The following MYRF variants were observed in gnomAD, a reference collection of about 807,000 sequenced individuals.
MYRF encodes myelin regulatory factor.
MYRF carries 16 observed loss-of-function variants against 126.3 expected under a neutral mutation model. The observed-to-expected ratio is 0.13, with a 90% CI of 0.09 to 0.19. The LOEUF (loss-of-function observed/expected upper bound fraction) is 0.19, where lower values mean the gene tolerates loss of function less well. Among genes scored for constraint, MYRF ranks in the 10% least tolerant of loss-of-function variants. The pLI is 1.00. For synonymous variants in MYRF, 608 were observed against 635.3 expected (o/e 0.96, Z 0.65); for missense variants, 1,104 against 1,547.0 (o/e 0.71, Z 4.80).
Position 61,780,760 on chromosome 11 carries a change from G to GC in MYRF, c.2459dup (p.Gly821TrpfsTer4). The GC allele has an allele frequency of 6.5e-7, 1 of 1,547,718 alleles. No individual in the cohort carries two copies. On this transcript the variant is annotated frameshift_variant, in exon 19 of 27. Transcript: ENST00000278836. LOFTEE classifies it high-confidence loss of function. ...GTCTCCTGGCCCTGCTCCGGCCCCAGCCCCCTGGGGGGAGTGAGGCCTTGT... is the reference window on the plus strand; with the variant it reads ...GTCTCCTGGCCCTGCTCCGGCCCCAGCCCCCCTGGGGGGAGTGAGGCCTTGT...
chr11:61,776,456 C>T lies in MYRF; in HGVS notation c.1499+24C>T, dbSNP rs750263651. 1.6e-5 allele frequency: 25 copies of T among 1,588,780 alleles called. No individual in the cohort carries two copies. Among genetic ancestry groups the T allele is most frequent in the African/African-American group, 5.4e-5 (4 of 74,156 alleles). Reference sequence around the variant, plus strand: ...AGGTGAGCAGGTGGGGGCCCTGCCCCGGAGCCCCTCCATTTCTGAGGCAGG... The same window carrying T: ...AGGTGAGCAGGTGGGGGCCCTGCCCTGGAGCCCCTCCATTTCTGAGGCAGG... On this transcript the variant is annotated intron_variant, in intron 10 of 26. Transcript: ENST00000278836. This position sits in a 1 kb window ranked among gnomAD's most constrained non-coding sequence, Gnocchi z 4.3.
chr11:61,761,439 G>C lies in MYRF; in HGVS notation c.47-4186G>C, dbSNP rs578147853. The stretch of plus-strand genomic sequence containing the variant: ...AGAAGAGCGGAGCGGAGGGGAGGGG[G>C]CTGCCTTCCCATAGTCTGGATCGCA... On this transcript the variant is annotated intron_variant, in intron 1 of 26. Transcript: ENST00000278836. Among the ~76,000 whole-genome samples the C allele has an allele frequency of 6.6e-5, 10 of 152,314 alleles. No individual in the cohort carries two copies. The East Asian group carries it at 1.7e-3, about 26-fold the overall frequency.
intron 1 of MYRF, among the ~76,000 whole-genome samples, chr11:61,760,527 C>G (rs1414224637): frequency 6.6e-6 from 1 of 152,196 alleles, no homozygotes; most frequent in Admixed American, 6.5e-5. Context: ...GACCATGCCT[C>G]AGAGGGACTT....
At chr11:61,753,003 T>C (rs1180053150) in intron 1 of MYRF, among the ~76,000 whole-genome samples, 1 of 151,720 alleles carries the variant, frequency 6.6e-6, no homozygotes, top group Admixed American at 6.6e-5. Context: ...CCCTCCCCGC[T>C]CCTCAACTCG....
Position 61,778,356 on chromosome 11 carries a change from C to T in MYRF, c.1904-24C>T. 2.6e-6 allele frequency: 4 copies of T among 1,542,802 alleles called. No individual in the cohort carries two copies. Among genetic ancestry groups the T allele is most frequent in the Non-Finnish European group, 3.6e-6 (4 of 1,115,368 alleles). ...AGCCCTTTACCACCCCCCCACCCAT[C>T]TTTGGCTTGTCCCCTGCCCCCAGGT... On this transcript the variant is annotated intron_variant, in intron 13 of 26. Transcript: ENST00000278836. The surrounding 1 kb of genome is among the most constrained non-coding windows in gnomAD (Gnocchi z 4.6).
At position 61,777,759 on chromosome 11, in the gene MYRF, G is replaced by A. The variant is rs1361322963; in HGVS notation, c.1817G>A (p.Arg606Lys). The change falls in exon 13 of 27, where the codon AGG becomes AAG. Residue 606 changes from arginine (R) to lysine (K), a missense_variant. This residue lies in a region of MYRF where 123 missense variants were observed against 209.1 expected (regional missense o/e 0.59). Coordinates refer to ENST00000278836, the MANE Select transcript of MYRF (RefSeq NM_001127392.3). This position sits in a 1 kb window ranked among gnomAD's most constrained non-coding sequence, Gnocchi z 8.8. The stretch of plus-strand genomic sequence containing the variant: ...GTGGACACCACCGAGCAATTGAAGA[G>A]GATCTCGCGCATGCGGCTGGTGCAC... ...QEVDTTEQLKRISRMRLVHYR... is the reference protein window; with the variant it reads ...QEVDTTEQLKKISRMRLVHYR... The A allele has an allele frequency of 1.3e-6, 2 of 1,551,882 alleles. No homozygotes were observed. The highest frequency in any genetic ancestry group is 2.4e-5 in the South Asian group (2 of 84,082).
rs1286729838 is a variant in MYRF at position 61,766,027 on chromosome 11, C to T, written c.204C>T (p.Gly68=). The T allele has an allele frequency of 1.3e-6, 2 of 1,592,370 alleles. No homozygotes were observed. The highest frequency in any genetic ancestry group is 3.5e-5 in the Admixed American group (2 of 57,296). Residue 68 remains glycine (G), a synonymous_variant, in exon 3 of 27, where the codon GGC becomes GGT. Coordinates refer to ENST00000278836, the MANE Select transcript of MYRF (RefSeq NM_001127392.3). ...SYSHGQPAMP[G]SSGVHHLSPP... ...CCCACGGGCAGCCTGCGATGCCTGG[C>T]TCCAGCGGGGTCCACCACCTGAGCC...
intron 1 of MYRF, chr11:61,755,717 AGAGTATGAAT>A (rs2065733405): frequency 1.5e-6 from 1 of 673,150 alleles, no homozygotes; most frequent in Non-Finnish European, 2.7e-6. Flanking sequence ...GAGACATGTT[AGAGTATGAAT>A]GGCCGAGCCT....
chr11:61,768,128 A>G (rs446347), intron 3 of MYRF, among the ~76,000 whole-genome samples: 4 of 151,978 alleles, frequency 2.6e-5, no homozygotes, highest in Non-Finnish European at 5.9e-5. Context: ...AAAAAAAAAA[A>G]AAAAAGAAAG....
intron 8 of MYRF, among the ~76,000 whole-genome samples, chr11:61,775,764 T>A (rs1234084681): frequency 1.6e-5 from 2 of 128,742 alleles, no homozygotes; most frequent in Non-Finnish European, 3.3e-5. Flanking sequence ...GGGGAGCGTG[T>A]GGGTGTGGAA....
chr11:61,752,888 T>A, intron 1 of MYRF, 98 bp downstream of exon 1: 1 of 1,210,688 alleles, frequency 8.3e-7, no homozygotes, highest in Non-Finnish European at 1.1e-6. Flanking sequence ...TTCCGCCTCC[T>A]CTGGCTGGGA....
chr11:61,785,690 T>C (rs2066676083), intron 25 of MYRF, 110 bp from the exon 26 acceptor site: 1 of 836,702 alleles, frequency 1.2e-6, no homozygotes, highest in Non-Finnish European at 2.0e-6. Context: ...CTCTGCTTTT[T>C]TCCTTCATAA....
intron 1 of MYRF, among the ~76,000 whole-genome samples, chr11:61,760,593 AG>A (rs2065871147): frequency 6.6e-6 from 1 of 152,122 alleles, no homozygotes; most frequent in African/African-American, 2.4e-5. Context: ...AGCAAGGCGG[AG>A]GGGCCTGGGG....
At chr11:61,766,781 A>G (rs2066074095) in intron 3 of MYRF, 2 of 333,332 alleles carry the variant, frequency 6.0e-6, no homozygotes, top group South Asian at 2.5e-5. Context: ...CAAAGGTTCC[A>G]GGCAGCCACC....
At chr11:61,767,498 A>T (rs1565287604) in intron 3 of MYRF, 1 of 452,418 alleles carries the variant, frequency 2.2e-6, no homozygotes, top group Admixed American at 2.4e-5. Context: ...CCAGGAAGGG[A>T]CCCAGGGCCA....
At chr11:61,771,390 G>A (rs1387331008) in intron 5 of MYRF, 110 bp from the exon 6 acceptor site, 80 of 1,432,788 alleles carry the variant, frequency 5.6e-5, no homozygotes, top group Non-Finnish European at 6.4e-5. Context: ...TCCTCTGGGC[G>A]GGGCACATCC....
At chr11:61,767,217 T>G (rs1591095522) in intron 3 of MYRF, 1 of 456,720 alleles carries the variant, frequency 2.2e-6, no homozygotes, top group Non-Finnish European at 4.4e-6. Flanking sequence ...GCAAACTGTT[T>G]GCTTGAGGCT....
intron 14 of MYRF, 46 bp from the exon 15 acceptor site, chr11:61,779,217 G>A (rs1199813429): frequency 6.6e-7 from 1 of 1,514,506 alleles, no homozygotes; most frequent in African/African-American, 1.4e-5. Context: ...GGGCTGACTG[G>A]GCCCTCTGTG....
rs559517605 is a variant in MYRF at position 61,772,024 on chromosome 11, C to G, written c.1115+72C>G. 1.6e-4 allele frequency: 257 copies of G among 1,582,722 alleles called. 1 individual carries two copies. The South Asian group carries it at 2.7e-3, about 17-fold the overall frequency. On this transcript the variant is annotated intron_variant, in intron 7 of 26. Transcript: ENST00000278836. ...GGGACGCCCCAGCCCAGGACCCCAT[C>G]AAGGTCCTGGAGCAGGGCCTGGGAG...
Sources: allele counts gnomAD v4.1 joint callset (sites outside exome capture counted in the v4.1 genomes callset), GRCh38; gene constraint gnomAD v4.1.1; regional missense constraint gnomAD v4.1.1; non-coding constraint Gnocchi (gnomAD v3.1); transcripts MANE v1.5; gene names NCBI Gene and HGNC (gene_info 2026-07-23, HGNC 2026-07-21).